GPSM2: variants seen among roughly 807,000 people sequenced by gnomAD.
GPSM2 encodes G protein signaling modulator 2.
A neutral mutation model predicts 78.4 loss-of-function variants in GPSM2; 58 were observed. The ratio of observed to expected loss-of-function variants is 0.74; its 90% CI spans 0.60 to 0.92. The LOEUF (loss-of-function observed/expected upper bound fraction) is 0.92. Ranked by LOEUF, GPSM2 falls within the 40% of genes least tolerant of loss-of-function variation. GPSM2 has a pLI of 0.00. For missense variants in GPSM2, 700 were observed against 815.5 expected, an observed-to-expected ratio of 0.86 and a Z score of 1.73; for synonymous variants, 224 against 280.2, an observed-to-expected ratio of 0.80 and a Z score of 2.00.
In GPSM2 at chr1:108,930,278, A is replaced by ACAT. The variant is rs1275091611; in HGVS notation, c.*340_*342dup. The ACAT allele has an allele frequency of 4.7e-6, 1 of 210,970 alleles. No individual in the cohort carries two copies. The highest frequency in any genetic ancestry group is 2.3e-5 in the African/African-American group (1 of 43,360). 13.1% of individuals were successfully genotyped at this position (210,970 alleles called of 1,614,324 possible). A position where few individuals can be genotyped will look rare whatever the true frequency, so the allele number is the denominator to read the frequency against. Reference sequence around the variant, plus strand: ...ATACTCTTATGGAAATAATTTTTTAACATCTTAATTGACAATGGCGTTTTT... The same window carrying ACAT: ...ATACTCTTATGGAAATAATTTTTTAACATCATCTTAATTGACAATGGCGTTTTT... On this transcript the variant is annotated 3_prime_UTR_variant, in exon 15 of 15. Coordinates refer to ENST00000264126, the MANE Select transcript of GPSM2 (RefSeq NM_013296.5).
At position 108,877,023 on chromosome 1, in the gene GPSM2, A is replaced by T. The variant is rs1439992512; in HGVS notation, c.-454A>T. On this transcript the variant is annotated 5_prime_UTR_variant, in exon 1 of 15. Transcript: ENST00000264126. ...GTGTTGAGACCGGCGGAGCGGCGGG[A>T]CCCCTAGGTGGCGGAGGGACGCTCC... 6.6e-6 allele frequency: 1 copy of T among 151,888 alleles called. No homozygotes were observed. Among genetic ancestry groups the T allele is most frequent in the Non-Finnish European group, 1.5e-5 (1 of 67,934 alleles). 9.4% of individuals were successfully genotyped at this position (151,888 alleles called of 1,614,324 possible).
intron 10 of GPSM2, chr1:108,909,800 G>A (rs1249517865): frequency 6.7e-6 from 1 of 148,518 alleles, no homozygotes; most frequent in Admixed American, 6.9e-5. Flanking sequence ...TTACTCAGGA[G>A]ACTGACACGG....
chr1:108,911,159 AAACT>A (rs1232165720), intron 10 of GPSM2, among the ~76,000 whole-genome samples: 1 of 152,188 alleles, frequency 6.6e-6, no homozygotes, highest in Non-Finnish European at 1.5e-5. Context: ...CATCATGCAA[AAACT>A]AACCAAAAGA....
Position 108,924,047 on chromosome 1 carries a change from C to T in GPSM2, c.1648C>T (p.Leu550Phe). Residue 550 changes from leucine (L) to phenylalanine (F), a missense_variant, in exon 14 of 15, where the codon CTT becomes TTT. Coordinates refer to ENST00000264126, the MANE Select transcript of GPSM2 (RefSeq NM_013296.5). ...CCCCAACACGGATGAGTTTTTAGATCTTCTTGCCAGCTCACAGAGTCGCCG... is the reference window on the plus strand; with the variant it reads ...CCCCAACACGGATGAGTTTTTAGATTTTCTTGCCAGCTCACAGAGTCGCCG... ...VSPNTDEFLDLLASSQSRRLD... is the reference protein window; with the variant it reads ...VSPNTDEFLDFLASSQSRRLD... 1 of 1,613,312 alleles carries T rather than the reference C, an allele frequency of 6.2e-7. No homozygotes were observed. The highest frequency in any genetic ancestry group is 8.5e-7 in the Non-Finnish European group (1 of 1,179,428).
In GPSM2 at chr1:108,885,548, GAGA is replaced by G; in HGVS notation, c.30_32del (p.Glu10del). ...ATGGAGGAAAATTTGATAAGCATGAGAGAAGACCATTCTTTTCATGTTCGTTAC... is the reference window on the plus strand; with the variant it reads ...ATGGAGGAAAATTTGATAAGCATGAGAGACCATTCTTTTCATGTTCGTTAC... On this transcript the variant is annotated inframe_deletion, in exon 2 of 15. Transcript: ENST00000264126. 2 of 1,583,330 alleles carry G rather than the reference GAGA, an allele frequency of 1.3e-6. No homozygotes were observed. The highest frequency in any genetic ancestry group is 2.2e-5 in the South Asian group (2 of 90,436).
intron 2 of GPSM2, among the ~76,000 whole-genome samples, chr1:108,896,133 T>G (rs1648348114): frequency 1.3e-5 from 2 of 152,172 alleles, no homozygotes; most frequent in African/African-American, 2.4e-5. Context: ...GTATCAGTGT[T>G]TTTTTCTCCC....
chr1:108,904,619 G>T (rs1029907381), intron 10 of GPSM2, among the ~76,000 whole-genome samples: 3 of 151,556 alleles, frequency 2.0e-5, no homozygotes, highest in Non-Finnish European at 2.9e-5. Flanking sequence ...AAATGTTATT[G>T]TTTATCCTTT....
intron 6 of GPSM2, 42 bp from the exon 7 acceptor site, chr1:108,898,837 A>T: frequency 6.3e-7 from 1 of 1,599,302 alleles, no homozygotes; most frequent in Non-Finnish European, 8.6e-7. Flanking sequence ...ATCATTCTTC[A>T]GTTTTATTTT....
At chr1:108,910,319 G>A (rs1215079816) in intron 10 of GPSM2, among the ~76,000 whole-genome samples, 1 of 152,056 alleles carries the variant, frequency 6.6e-6, no homozygotes, top group Non-Finnish European at 1.5e-5. Flanking sequence ...AAAATACCTG[G>A]CCTAGATGAT....
intron 10 of GPSM2, among the ~76,000 whole-genome samples, chr1:108,907,131 G>A (rs1227297790): frequency 1.3e-5 from 2 of 152,202 alleles, no homozygotes; most frequent in African/African-American, 4.8e-5. Context: ...CTGGCTGTAT[G>A]AAGACAGGTG....
intron 10 of GPSM2, among the ~76,000 whole-genome samples, chr1:108,913,644 G>A (rs1008197665): frequency 3.9e-5 from 6 of 152,148 alleles, no homozygotes; most frequent in South Asian, 2.1e-4. Flanking sequence ...GCATAAAAGC[G>A]CAGGGAAGAC....
At chr1:108,924,549 T>C (rs919452000) in intron 14 of GPSM2, among the ~76,000 whole-genome samples, 1 of 152,056 alleles carries the variant, frequency 6.6e-6, no homozygotes, top group Admixed American at 6.6e-5. Context: ...AGCAAAGGTG[T>C]TGGTGGTAGG....
At chr1:108,898,147 G>A (rs768454619) in intron 5 of GPSM2, 46 bp downstream of exon 5, 30 of 1,572,270 alleles carry the variant, frequency 1.9e-5, no homozygotes, top group Middle Eastern at 1.7e-4. Flanking sequence ...CATCTAAGCC[G>A]TGGATCTGCT....
intron 10 of GPSM2, among the ~76,000 whole-genome samples, chr1:108,907,760 T>C (rs1011249365): frequency 9.9e-5 from 15 of 152,230 alleles, no homozygotes; most frequent in Admixed American, 7.9e-4. Context: ...TTATCCTTAA[T>C]TTACAGGTGG....
rs1327326059 is a variant in GPSM2 at position 108,931,693 on chromosome 1, TATG to T, written c.*1757_*1759del. ...ATTATGTTTCATGTATACTATAAGG[TATG>T]ATGTCCTGGATAGCATTTTAAAAAC... On this transcript the variant is annotated 3_prime_UTR_variant, in exon 15 of 15. Coordinates refer to ENST00000264126, the MANE Select transcript of GPSM2 (RefSeq NM_013296.5). 7.5e-5 allele frequency: 45 copies of T among 598,130 alleles called. No homozygotes were observed. The highest frequency in any genetic ancestry group is 8.8e-5 in the Non-Finnish European group (35 of 398,206). 37.1% of individuals were successfully genotyped at this position (598,130 alleles called of 1,614,324 possible).
At chr1:108,893,780 C>T (rs1648144423) in intron 2 of GPSM2, among the ~76,000 whole-genome samples, 1 of 152,156 alleles carries the variant, frequency 6.6e-6, no homozygotes, top group Admixed American at 6.6e-5. Flanking sequence ...TTTGACTGGG[C>T]ACAGTGGCTC....
At chr1:108,901,728 T>C (rs200731461) in intron 7 of GPSM2, 62 bp from the exon 8 acceptor site, 1,152 of 1,279,902 alleles carry the variant, frequency 9.0e-4, no homozygotes, top group Middle Eastern at 3.1e-3. Flanking sequence ...GAGTTTTGTT[T>C]TGTGATTCTT....
chr1:108,928,200 A>C, intron 14 of GPSM2, among the ~76,000 whole-genome samples: 1 of 152,230 alleles, frequency 6.6e-6, no homozygotes, highest in East Asian at 1.9e-4. Context: ...AACTCCTAAA[A>C]CTCAACAAAA....
At chr1:108,879,124 CATT>C (rs1344677907) in intron 1 of GPSM2, among the ~76,000 whole-genome samples, 8 of 152,204 alleles carry the variant, frequency 5.3e-5, no homozygotes, top group East Asian at 3.8e-4. Context: ...TTATAAATCA[CATT>C]ATATTTTCAA....
Sources: gnomAD v4.1 joint callset for allele counts (sites outside exome capture counted in the v4.1 genomes callset) on GRCh38, gnomAD v4.1.1 for gene constraint, MANE v1.5 for transcripts, NCBI Gene and HGNC (gene_info 2026-07-23, HGNC 2026-07-21) for gene names.